The following SART3 variants were observed in gnomAD, a reference collection of about 807,000 sequenced individuals.
SART3 encodes HIV-1 Tat-interacting protein of 110kDa.
A neutral mutation model predicts 122.3 loss-of-function variants in SART3; 44 were observed. That is an observed-to-expected ratio of 0.36 (90% CI 0.28 to 0.46). SART3 has a LOEUF of 0.46. Ranked by LOEUF, SART3 falls within the 20% of genes least tolerant of loss-of-function variation. The probability of loss-of-function intolerance (pLI) is 1.00; values close to 1 mark genes in which losing one functional copy is unlikely to be tolerated. For synonymous variants in SART3, 442 were observed against 454.0 expected (o/e 0.97, Z 0.34); for missense variants, 1,101 against 1,229.0 (o/e 0.90, Z 1.56).
chr12:108,554,333 CAA>C (rs1351946897), intron 1 of SART3: 2 of 152,068 alleles, frequency 1.3e-5, no homozygotes, highest in Non-Finnish European at 2.9e-5. Context: ...CAATCTCACT[CAA>C]GAGCATTAAT....
intron 9 of SART3, 41 bp from the exon 10 acceptor site, chr12:108,536,826 G>T (rs751488743): frequency 1.3e-6 from 2 of 1,573,134 alleles, no homozygotes; most frequent in Non-Finnish European, 8.7e-7. Context: ...AAACCACATA[G>T]CCTGGCTTTG....
intron 1 of SART3, among the ~76,000 whole-genome samples, chr12:108,558,616 G>A (rs2030330464): frequency 6.6e-6 from 1 of 152,168 alleles, no homozygotes; most frequent in Admixed American, 6.5e-5. Flanking sequence ...CTCATCGAAA[G>A]GCCCAGGACT....
chr12:108,555,217 T>TA (rs1425902572), intron 1 of SART3, among the ~76,000 whole-genome samples: 1 of 152,136 alleles, frequency 6.6e-6, no homozygotes, highest in Non-Finnish European at 1.5e-5. Flanking sequence ...TTTTTTACAA[T>TA]AAAAAAATTA....
intron 5 of SART3, among the ~76,000 whole-genome samples, 182 bp downstream of exon 5, chr12:108,544,245 A>C (rs371460742): frequency 4.6e-5 from 7 of 152,292 alleles, no homozygotes; most frequent in African/African-American, 1.7e-4. Flanking sequence ...CAACCCTCTT[A>C]AGCACTAACA....
At chr12:108,527,255 G>C (rs1485671149) in intron 15 of SART3, among the ~76,000 whole-genome samples, 2 of 152,084 alleles carry the variant, frequency 1.3e-5, no homozygotes, top group African/African-American at 4.8e-5. Context: ...CAGCCTCCTC[G>C]ACCACTGCCC....
chr12:108,559,039 GAAAAAAAAA>G (rs747479698), intron 1 of SART3, among the ~76,000 whole-genome samples: 16 of 103,948 alleles, frequency 1.5e-4, no homozygotes, highest in East Asian at 5.8e-4. Flanking sequence ...TCTCAAAAAA[GAAAAAAAAA>G]AAAAAAAAAA....
intron 9 of SART3, 113 bp downstream of exon 9, chr12:108,537,375 C>A (rs1872958129): frequency 6.4e-6 from 5 of 779,910 alleles, no homozygotes; most frequent in Non-Finnish European, 1.1e-5. Flanking sequence ...GTCACCAATA[C>A]CTAGTCTACA....
intron 1 of SART3, among the ~76,000 whole-genome samples, chr12:108,556,851 A>C (rs1424818059): frequency 6.6e-6 from 1 of 152,242 alleles, no homozygotes; most frequent in Non-Finnish European, 1.5e-5. Context: ...AACTCAATAG[A>C]GTGTGCTTGC....
chr12:108,524,789 AAGACAG>A, intron 17 of SART3: 1 of 511,046 alleles, frequency 2.0e-6, no homozygotes. Flanking sequence ...AAGAAGGAAA[AAGACAG>A]ATGGACCAGT....
intron 1 of SART3, among the ~76,000 whole-genome samples, chr12:108,551,465 G>A (rs560298842): frequency 6.6e-6 from 1 of 152,080 alleles, no homozygotes; most frequent in African/African-American, 2.4e-5. Flanking sequence ...TGGTCAAAAA[G>A]AAGATGAATA....
intron 13 of SART3, 61 bp downstream of exon 13, chr12:108,532,161 T>A (rs913941717): frequency 5.6e-6 from 8 of 1,428,394 alleles, no homozygotes; most frequent in Non-Finnish European, 7.9e-6. Context: ...CAGATGCTCC[T>A]ACTTGAGACC....
chr12:108,560,904 T>G lies in SART3; in HGVS notation c.251A>C (p.Glu84Ala). 4 of 1,613,296 alleles carry G rather than the reference T, an allele frequency of 2.5e-6. No homozygotes were observed. Among genetic ancestry groups the G allele is most frequent in the Non-Finnish European group, 3.4e-6 (4 of 1,179,408 alleles). ...CTCCTCCTCTTCGTCATATTCCCAC[T>G]CGTACTCCCCGGGGGAGCTCTCCGC... ...SSAESSPGEY[E>A]WEYDEEEEKN... Residue 84 changes from glutamate to alanine, a missense_variant, in exon 1 of 19, where the codon GAG becomes GCG. By Grantham distance (107) the Glu-to-Ala change is moderately radical. This residue lies in a region of SART3 where 216 missense variants were observed against 148.9 expected (regional missense o/e 1.45). Coordinates refer to ENST00000546815, the MANE Select transcript of SART3 (RefSeq NM_014706.4).
chr12:108,536,126 T>C (rs866653566), intron 11 of SART3, among the ~76,000 whole-genome samples: 3 of 152,238 alleles, frequency 2.0e-5, no homozygotes, highest in Non-Finnish European at 2.9e-5. Flanking sequence ...CTACATTAGA[T>C]AGAAGCCTTA....
chr12:108,523,511 G>A lies in SART3; in HGVS notation c.2838C>T (p.Thr946=), dbSNP rs116280634. Residue 946 remains threonine, a synonymous_variant, in exon 19 of 19, where the codon ACC becomes ACT. Transcript: ENST00000546815. Reference sequence around the variant, plus strand: ...CGGCATTGGACATCTTGGGTGCCTCGGTGGCTGCTGGGGCGGCAACTGCAG... The same window carrying A: ...CGGCATTGGACATCTTGGGTGCCTCAGTGGCTGCTGGGGCGGCAACTGCAG... ...AAPAVAAPAA[T]EAPKMSNADF... 10 of 1,613,394 alleles carry A rather than the reference G, an allele frequency of 6.2e-6. No individual in the cohort carries two copies. Among genetic ancestry groups the A allele is most frequent in the African/African-American group, 5.3e-5 (4 of 74,864 alleles).
chr12:108,544,898 A>C (rs543702639), intron 4 of SART3: 206 of 594,424 alleles, frequency 3.5e-4, no homozygotes, highest in Non-Finnish European at 4.3e-4. Context: ...AAAATATCTC[A>C]ACAAATTTTC....
chr12:108,526,032 T>C lies in SART3; in HGVS notation c.2370+67A>G, dbSNP rs1306882914. On this transcript the variant is annotated intron_variant, in intron 16 of 18. Transcript: ENST00000546815. ...CCATGTCTATCCTAAATATCACTGC[T>C]GCAGGAAGAAAGTGCCTGTCTAAAG... is the stretch of plus-strand genomic sequence containing the variant. 2.4e-6 allele frequency: 3 copies of C among 1,246,344 alleles called. No individual in the cohort carries two copies. In the African/African-American group the frequency reaches 4.4e-5, roughly 18 times the overall value. The allele number at this position is 1,246,344 out of a possible 1,614,324, so 77.2% of individuals were successfully genotyped here.
Position 108,538,926 on chromosome 12 carries a change from G to C in SART3, c.1062+8C>G. 1 of 1,614,146 alleles carries C rather than the reference G, an allele frequency of 6.2e-7. No individual in the cohort carries two copies. Among genetic ancestry groups the C allele is most frequent in the Non-Finnish European group, 8.5e-7 (1 of 1,179,992 alleles). ...AAAAATAAAATGAAATTAGAACAGTGATCTTACTAGGTACTGACTGTAACG... is the reference window on the plus strand; with the variant it reads ...AAAAATAAAATGAAATTAGAACAGTCATCTTACTAGGTACTGACTGTAACG... On this transcript the variant is annotated splice_region_variant and intron_variant, in intron 7 of 18. Transcript: ENST00000546815.
Position 108,530,292 on chromosome 12 carries a change from C to T in SART3, c.1765G>A (p.Ala589Thr), listed in dbSNP as rs1305846922. The T allele has an allele frequency of 6.2e-7, 1 of 1,613,990 alleles. No individual in the cohort carries two copies. Among genetic ancestry groups the T allele is most frequent in the East Asian group, 2.2e-5 (1 of 44,896 alleles). Residue 589 changes from alanine (A) to threonine (T), a missense_variant, in exon 15 of 19, where the codon GCC becomes ACC. Physicochemically the swap from Ala to Thr is moderately conservative, Grantham distance 58. Around this residue, in one of 2 missense-constraint regions of SART3, gnomAD observed 885 missense variants for 1,080.1 expected, o/e 0.82. Transcript: ENST00000546815. The part of the protein sequence containing the change: ...QRMKAAEKEA[A>T]LVQQEEEKAE... Reference sequence around the variant, plus strand: ...TTTTCTTCTTCTTGCTGCACAAGGGCTGCTTCCTTCTCTGCAGCCTAGAAA... The same window carrying T: ...TTTTCTTCTTCTTGCTGCACAAGGGTTGCTTCCTTCTCTGCAGCCTAGAAA...
chr12:108,548,379 T>C (rs1481380075), intron 2 of SART3, among the ~76,000 whole-genome samples: 1 of 152,258 alleles, frequency 6.6e-6, no homozygotes, highest in Admixed American at 6.5e-5. Flanking sequence ...TACATTACAA[T>C]GCAGAAACTA....
Sources: allele counts gnomAD v4.1 joint callset (sites outside exome capture counted in the v4.1 genomes callset), GRCh38; gene constraint gnomAD v4.1.1; regional missense constraint gnomAD v4.1.1; transcripts MANE v1.5; gene names NCBI Gene and HGNC (gene_info 2026-07-23, HGNC 2026-07-21).